Variants in SLC14A2 observed in about 807,000 individuals in gnomAD.
The protein encoded by SLC14A2 is urea transporter 2.
SLC14A2 carries 91 observed loss-of-function variants against 104.6 expected under a neutral mutation model. The ratio of observed to expected loss-of-function variants is 0.87; its 90% CI spans 0.73 to 1.04. The LOEUF (loss-of-function observed/expected upper bound fraction) is 1.04. Ranked by LOEUF, SLC14A2 falls within the 50% of genes least tolerant of loss-of-function variation. SLC14A2 has a pLI of 0.00. For synonymous variants in SLC14A2, 476 were observed against 466.4 expected, an observed-to-expected ratio of 1.02 and a Z score of -0.27; for missense variants, 1,189 against 1,156.0, an observed-to-expected ratio of 1.03 and a Z score of -0.41.
intron 1 of SLC14A2, among the ~76,000 whole-genome samples, chr18:45,285,075 A>G (rs899901907): frequency 3.3e-5 from 5 of 152,154 alleles, no homozygotes; most frequent in Admixed American, 6.5e-5. Flanking sequence ...TCCCATAGTC[A>G]TCTGACCTAG....
the SLC14A2 span, among the ~76,000 whole-genome samples, chr18:45,198,351 C>T: frequency 5.2e-4 from 79 of 152,210 alleles, no homozygotes; most frequent in Non-Finnish European, 1.0e-3. Flanking sequence ...CAATACTCAA[C>T]CACTATCATG....
At chr18:45,185,736 A>T in the SLC14A2 span, among the ~76,000 whole-genome samples, 2 of 152,208 alleles carry the variant, frequency 1.3e-5, no homozygotes, top group Non-Finnish European at 2.9e-5. Context: ...ATGTAAAAAA[A>T]AATCTAATGA....
At chr18:45,645,156 G>A (rs907612275) in intron 10 of SLC14A2, among the ~76,000 whole-genome samples, 1 of 152,146 alleles carries the variant, frequency 6.6e-6, no homozygotes, top group Non-Finnish European at 1.5e-5. Context: ...TGAGAATGAT[G>A]GCTTCCAGCT....
chr18:45,236,151 ATG>A (rs1435838267), intron 1 of SLC14A2, among the ~76,000 whole-genome samples: 1 of 53,928 alleles, frequency 1.9e-5, no homozygotes, highest in Non-Finnish European at 3.3e-5. Flanking sequence ...ATATACATAT[ATG>A]TGTGTATATA....
intron 2 of SLC14A2, among the ~76,000 whole-genome samples, chr18:45,581,170 G>A (rs1348823774): frequency 6.6e-6 from 1 of 152,150 alleles, no homozygotes; most frequent in Non-Finnish European, 1.5e-5. Flanking sequence ...ATTGTCTAGA[G>A]TGGATATTTT....
chr18:45,265,606 A>T (rs554782412), intron 1 of SLC14A2, among the ~76,000 whole-genome samples: 1 of 152,334 alleles, frequency 6.6e-6, no homozygotes, highest in East Asian at 1.9e-4. Flanking sequence ...CCTGCACATG[A>T]ATAACAGATT....
chr18:45,666,067 A>C, intron 11 of SLC14A2, 70 bp from the exon 12 acceptor site: 1 of 1,046,364 alleles, frequency 9.6e-7, no homozygotes, highest in African/African-American at 1.6e-5. Context: ...TGAGCCTTGC[A>C]GGACATTAGC....
rs1393012784 is a variant in SLC14A2 at position 45,442,255 on chromosome 18, T to C, written c.-124-40978T>C. On this transcript the variant is annotated intron_variant, in intron 1 of 20. Coordinates refer to the SLC14A2 transcript ENST00000586448. ...ATTCAAAGGCTTTGTGGTAGTATGC[T>C]AGCACTGCCATCACAAAGTGCCGCA... 3.3e-5 allele frequency among the ~76,000 whole-genome samples: 5 copies of C among 152,330 alleles called. No individual in the cohort carries two copies. The East Asian group carries it at 9.6e-4, about 29-fold the overall frequency.
intron 1 of SLC14A2, among the ~76,000 whole-genome samples, chr18:45,231,310 C>G (rs2084172579): frequency 6.6e-6 from 1 of 152,086 alleles, no homozygotes; most frequent in East Asian, 1.9e-4. Flanking sequence ...TCAAGCTATC[C>G]TCTTACCTCA....
At chr18:45,199,969 C>G in the SLC14A2 span, among the ~76,000 whole-genome samples, 9 of 152,228 alleles carry the variant, frequency 5.9e-5, no homozygotes, top group African/African-American at 2.2e-4. Context: ...TCCACATATC[C>G]CCATTAAAGA....
chr18:45,169,157 G>GA, the SLC14A2 span: 1 of 152,252 alleles, frequency 6.6e-6, no homozygotes, highest in South Asian at 2.1e-4. Context: ...CAACATTGGG[G>GA]AAAAAATTGG....
At chr18:45,606,010 C>T (rs1165954830) in intron 2 of SLC14A2, among the ~76,000 whole-genome samples, 2 of 152,144 alleles carry the variant, frequency 1.3e-5, no homozygotes, top group Non-Finnish European at 2.9e-5. Context: ...CAAACAGAAA[C>T]TCCAAGTAAC....
At chr18:45,621,946 G>GTGT (rs1398190894) in intron 1 of SLC14A2, among the ~76,000 whole-genome samples, 1 of 152,172 alleles carries the variant, frequency 6.6e-6, no homozygotes, top group Non-Finnish European at 1.5e-5. Flanking sequence ...GAGGTGGAAA[G>GTGT]TGTTCAACAC....
intron 1 of SLC14A2, among the ~76,000 whole-genome samples, chr18:45,389,111 C>A (rs1317457195): frequency 6.6e-6 from 1 of 152,120 alleles, no homozygotes; most frequent in African/African-American, 2.4e-5. Flanking sequence ...CCTGTGCAAG[C>A]CCTGGTATGT....
upstream of SLC14A2, among the ~76,000 whole-genome samples, chr18:45,208,977 CA>C (rs1239898589): frequency 2.7e-5 from 4 of 147,624 alleles, no homozygotes; most frequent in African/African-American, 1.0e-4. Context: ...GATGTATGAT[CA>C]AAAATGGATT....
intron 1 of SLC14A2, among the ~76,000 whole-genome samples, chr18:45,350,298 T>G (rs1181359456): frequency 2.0e-5 from 3 of 152,210 alleles, no homozygotes; most frequent in African/African-American, 7.2e-5. Flanking sequence ...TAACATACAC[T>G]AAACAGTCAC....
intron 1 of SLC14A2, among the ~76,000 whole-genome samples, chr18:45,342,178 C>T (rs996386583): frequency 6.6e-6 from 1 of 152,120 alleles, no homozygotes; most frequent in African/African-American, 2.4e-5. Flanking sequence ...TTTATGGCAA[C>T]ATTGTTGAAC....
intron 1 of SLC14A2, among the ~76,000 whole-genome samples, chr18:45,617,321 C>A (rs1042291390): frequency 6.6e-6 from 1 of 152,104 alleles, no homozygotes; most frequent in Non-Finnish European, 1.5e-5. Context: ...CCTGGCCCTG[C>A]AGCAGAAACC....
At chr18:45,636,968 C>A in intron 5 of SLC14A2, 22 bp from the exon 6 acceptor site, 1 of 1,601,398 alleles carries the variant, frequency 6.2e-7, no homozygotes, top group South Asian at 1.1e-5. Context: ...AGGGATTAAC[C>A]CTCTGTCTCT....
Sources: gnomAD v4.1 joint callset for allele counts (sites outside exome capture counted in the v4.1 genomes callset) on GRCh38, gnomAD v4.1.1 for gene constraint, MANE v1.5 for transcripts, NCBI Gene and HGNC (gene_info 2026-07-23, HGNC 2026-07-21) for gene names.